KCNA2: variants seen among roughly 807,000 people sequenced by gnomAD.
KCNA2 encodes potassium voltage-gated channel subfamily A member 2, also known as potassium channel, voltage gated shaker related subfamily A, member 2.
A neutral mutation model predicts 33.4 loss-of-function variants in KCNA2; 11 were observed. The ratio of observed to expected loss-of-function variants is 0.33; its 90% CI spans 0.21 to 0.55. KCNA2 has a LOEUF of 0.55. KCNA2 is among the 20% of genes least tolerant of loss of function. The pLI is 0.93. For missense variants in KCNA2, 291 were observed against 621.6 expected, an observed-to-expected ratio of 0.47 and a Z score of 5.66; for synonymous variants, 222 against 231.3, an observed-to-expected ratio of 0.96 and a Z score of 0.37.
At chr1:110,615,572 G>A (rs1416845469) in intron 1 of KCNA2, among the ~76,000 whole-genome samples, 2 of 152,198 alleles carry the variant, frequency 1.3e-5, no homozygotes, top group Non-Finnish European at 2.9e-5. Flanking sequence ...CAGATGTTCC[G>A]CTCCTGATCT....
At chr1:110,613,509 C>T in intron 1 of KCNA2, among the ~76,000 whole-genome samples, 1 of 152,214 alleles carries the variant, frequency 6.6e-6, no homozygotes, top group Non-Finnish European at 1.5e-5. Flanking sequence ...CCTTTCAGCC[C>T]TAGACTTGGT....
rs1215066772 is a variant in KCNA2, at chr1:110,597,488, G to C, written c.*5795C>G. On this transcript the variant is annotated 3_prime_UTR_variant, in exon 3 of 3. Coordinates refer to ENST00000316361, the MANE Select transcript of KCNA2 (RefSeq NM_004974.4). The stretch of plus-strand genomic sequence containing the variant: ...GCAGAAATGGGGAGACAGAGGGAGA[G>C]GGGACAGAGACACACATGGAGACAG... 1 of 985,284 alleles carries C rather than the reference G, an allele frequency of 1.0e-6. No individual in the cohort carries two copies. Among genetic ancestry groups the C allele is most frequent in the South Asian group, 4.7e-5 (1 of 21,278 alleles). 61.0% of individuals were successfully genotyped at this position (985,284 alleles called of 1,614,324 possible).
chr1:110,625,819 A>C (rs894918003), intron 1 of KCNA2, among the ~76,000 whole-genome samples: 1 of 152,362 alleles, frequency 6.6e-6, no homozygotes, highest in African/African-American at 2.4e-5. Context: ...AAAGAAGTGC[A>C]TGTGCTCCTT....
Position 110,599,270 on chromosome 1 carries a change from C to A in KCNA2, c.*4013G>T. ...TAGTCCTACTTAGGGGAAGAACCAG[C>A]TCCAAGAGTAATCCAAAATGGTGGG... On this transcript the variant is annotated 3_prime_UTR_variant, in exon 3 of 3. Transcript: ENST00000316361. The A allele has an allele frequency of 5.1e-6, 5 of 984,110 alleles. No homozygotes were observed. Among genetic ancestry groups the A allele is most frequent in the Non-Finnish European group, 6.0e-6 (5 of 828,738 alleles). 61.0% of individuals were successfully genotyped at this position (984,110 alleles called of 1,614,324 possible). A position where few individuals can be genotyped will look rare whatever the true frequency, so the allele number is the denominator to read the frequency against.
At chr1:110,621,009 G>A (rs553862585) in intron 1 of KCNA2, among the ~76,000 whole-genome samples, 1 of 152,214 alleles carries the variant, frequency 6.6e-6, no homozygotes, top group Admixed American at 6.5e-5. Flanking sequence ...GCCTGGGCAG[G>A]CTTGTCACAT....
intron 1 of KCNA2, among the ~76,000 whole-genome samples, chr1:110,615,110 G>T (rs1188637246): frequency 6.6e-6 from 1 of 152,196 alleles, no homozygotes; most frequent in East Asian, 1.9e-4. Flanking sequence ...TGAAATTGCA[G>T]TGAGGAGTTT....
In KCNA2 at chr1:110,603,187, C is replaced by A; in HGVS notation, c.*96G>T. 1 of 1,502,690 alleles carries A rather than the reference C, an allele frequency of 6.7e-7. No individual in the cohort carries two copies. Among genetic ancestry groups the A allele is most frequent in the African/African-American group, 1.4e-5 (1 of 71,548 alleles). The allele number at this position is 1,502,690 out of a possible 1,614,324, so 93.1% of individuals were successfully genotyped here. On this transcript the variant is annotated 3_prime_UTR_variant, in exon 3 of 3. Transcript: ENST00000316361. This position sits in a 1 kb window ranked among gnomAD's most constrained non-coding sequence, Gnocchi z 5.7. ...ACAACTATTGCTTTCCATGCAGAAC[C>A]AGATACACACTGTAGAACACACTGA...
Position 110,600,947 on chromosome 1 carries a change from C to A in KCNA2, c.*2336G>T. 1.0e-6 allele frequency: 1 copy of A among 985,488 alleles called. No homozygotes were observed. Among genetic ancestry groups the A allele is most frequent in the Non-Finnish European group, 1.2e-6 (1 of 829,980 alleles). The allele number at this position is 985,488 out of a possible 1,614,324, so 61.0% of individuals were successfully genotyped here. ...AGTGAGGCCTGGGCTGGAGCCACCC[C>A]TGCATAGCCCGACCCCTGCAATTCA... On this transcript the variant is annotated 3_prime_UTR_variant, in exon 3 of 3. Transcript: ENST00000316361.
At chr1:110,622,197 T>G (rs1228557711) in intron 1 of KCNA2, among the ~76,000 whole-genome samples, 2 of 152,262 alleles carry the variant, frequency 1.3e-5, no homozygotes, top group East Asian at 1.9e-4. Context: ...GGTTTAACTT[T>G]AAGAAATCAA....
rs548652261 is a variant in KCNA2, at chr1:110,627,048, T to G, written c.-496+4347A>C. 7.3e-4 allele frequency among the ~76,000 whole-genome samples: 111 copies of G among 152,292 alleles called. 1 individual carries two copies. The highest frequency in any genetic ancestry group is 1.4e-3 in the Non-Finnish European group (92 of 68,018). On this transcript the variant is annotated intron_variant, in intron 1 of 4. Transcript: ENST00000369770. The stretch of plus-strand genomic sequence containing the variant: ...TCATTTAATCTTACCGTCAACCACG[T>G]GAAGGAGGAATTGCTGTCTCTGTTT...
rs1410594467 is a variant in KCNA2 at position 110,597,316 on chromosome 1, C to T, written c.*5967G>A. ...TGATCTTCTGTAATGGCTCAGGATG[C>T]TTTATTCTTATCTATTGGGAAGTGC... On this transcript the variant is annotated 3_prime_UTR_variant, in exon 3 of 3. Coordinates refer to ENST00000316361, the MANE Select transcript of KCNA2 (RefSeq NM_004974.4). The T allele has an allele frequency of 3.0e-6, 3 of 985,266 alleles. No individual in the cohort carries two copies. Among genetic ancestry groups the T allele is most frequent in the Admixed American group, 6.1e-5 (1 of 16,268 alleles). The allele number at this position is 985,266 out of a possible 1,614,324, so 61.0% of individuals were successfully genotyped here.
At position 110,599,040 on chromosome 1, in the gene KCNA2, G is replaced by A. The variant is rs61784707; in HGVS notation, c.*4243C>T. 1.7e-5 allele frequency: 17 copies of A among 985,308 alleles called. No homozygotes were observed. The highest frequency in any genetic ancestry group is 2.0e-5 in the Non-Finnish European group (17 of 829,890). The allele number at this position is 985,308 out of a possible 1,614,324, so 61.0% of individuals were successfully genotyped here. On this transcript the variant is annotated 3_prime_UTR_variant, in exon 3 of 3. Transcript: ENST00000316361. ...AACACAAGTTTCCAGCAAAGCACAC[G>A]TTTTGGACCCATATGTCCACTCCCT...
rs1337401988 is a variant in KCNA2, at chr1:110,595,896, T to C, written c.*7387A>G. 1.0e-6 allele frequency: 1 copy of C among 985,292 alleles called. No individual in the cohort carries two copies. The highest frequency in any genetic ancestry group is 1.2e-6 in the Non-Finnish European group (1 of 829,938). 61.0% of individuals were successfully genotyped at this position (985,292 alleles called of 1,614,324 possible). The stretch of plus-strand genomic sequence containing the variant: ...AGGGCACCACCAATGACAAAGAGAA[T>C]GCTAAATAGATAAATCCTTTGCCAG... On this transcript the variant is annotated 3_prime_UTR_variant, in exon 3 of 3. Coordinates refer to ENST00000316361, the MANE Select transcript of KCNA2 (RefSeq NM_004974.4).
Position 110,604,826 on chromosome 1 carries a change from C to T in KCNA2, c.-44G>A, listed in dbSNP as rs561399529. ...CACCTCACGCTATGCCTTTCAGCTG[C>T]CTGGTGGCAGGGAGCTCAGGGTGCT... On this transcript the variant is annotated 5_prime_UTR_variant, in exon 3 of 3. Coordinates refer to ENST00000316361, the MANE Select transcript of KCNA2 (RefSeq NM_004974.4). The surrounding 1 kb of genome is among the most constrained non-coding windows in gnomAD (Gnocchi z 7.6). 5.8e-6 allele frequency: 9 copies of T among 1,552,016 alleles called. No individual in the cohort carries two copies. The highest frequency in any genetic ancestry group is 5.6e-5 in the Admixed American group (3 of 53,776).
chr1:110,620,477 G>A (rs1017295056), intron 1 of KCNA2, among the ~76,000 whole-genome samples: 4 of 152,244 alleles, frequency 2.6e-5, no homozygotes, highest in South Asian at 4.2e-4. Flanking sequence ...TTCCCATTGC[G>A]CCTTCTCGGA....
Position 110,594,934 on chromosome 1 carries a change from G to A in KCNA2, c.*8349C>T, listed in dbSNP as rs1179574449. On this transcript the variant is annotated 3_prime_UTR_variant, in exon 3 of 3. Transcript: ENST00000316361. ...CATGGAAATTGTTTGGTAGCAAAGT[G>A]CGCCCCTGAATATTCTCTTCCTCCC... The A allele has an allele frequency of 8.1e-6, 8 of 985,320 alleles. No homozygotes were observed. The highest frequency in any genetic ancestry group is 7.2e-6 in the Non-Finnish European group (6 of 829,970). The allele number at this position is 985,320 out of a possible 1,614,324, so 61.0% of individuals were successfully genotyped here. A position where few individuals can be genotyped will look rare whatever the true frequency, so the allele number is the denominator to read the frequency against.
At chr1:110,612,200 C>G (rs4839540) in intron 1 of KCNA2, among the ~76,000 whole-genome samples, 30,887 of 152,036 alleles carry the variant, frequency 0.2, 3,130 homozygotes, top group South Asian at 0.22. Context: ...AGTACAGTCA[C>G]GCGTCACCTA....
chr1:110,629,996 T>C (rs928898220), intron 1 of KCNA2, among the ~76,000 whole-genome samples: 1 of 144,710 alleles, frequency 6.9e-6, no homozygotes, highest in Non-Finnish European at 1.5e-5. Context: ...TTAACATCTC[T>C]AAGTGCTCTG....
At chr1:110,619,206 A>G (rs1267225480) in intron 1 of KCNA2, among the ~76,000 whole-genome samples, 1 of 152,106 alleles carries the variant, frequency 6.6e-6, no homozygotes, top group Non-Finnish European at 1.5e-5. Flanking sequence ...TGTACCCCCA[A>G]ACATGCTCAT....
Sources: allele counts gnomAD v4.1 joint callset (sites outside exome capture counted in the v4.1 genomes callset), GRCh38; gene constraint gnomAD v4.1.1; non-coding constraint Gnocchi (gnomAD v3.1); transcripts MANE v1.5; gene names NCBI Gene and HGNC (gene_info 2026-07-23, HGNC 2026-07-21).